WDR70: variants seen among roughly 807,000 people sequenced by gnomAD.
The protein encoded by WDR70 is WD repeat-containing protein 70.
Under a neutral mutation model 88.6 loss-of-function variants are expected in WDR70, and 53 were observed. The observed-to-expected ratio is 0.60, with a 90% CI of 0.48 to 0.75. WDR70 has a LOEUF of 0.75. WDR70 is among the 30% of genes least tolerant of loss of function. The pLI is 0.00. For synonymous variants in WDR70, 280 were observed against 270.0 expected (o/e 1.04, Z -0.36); for missense variants, 610 against 823.2 (o/e 0.74, Z 3.17).
intron 10 of WDR70, among the ~76,000 whole-genome samples, chr5:37,648,873 A>G (rs186736289): frequency 1.3e-5 from 2 of 152,324 alleles, no homozygotes; most frequent in East Asian, 3.9e-4. Context: ...TTTAACATTC[A>G]TTGATCCTAT....
Position 37,411,228 on chromosome 5 carries a change from C to A in WDR70, c.492+14658C>A, listed in dbSNP as rs1749511765. 3.9e-5 allele frequency among the ~76,000 whole-genome samples: 6 copies of A among 152,270 alleles called. No individual in the cohort carries two copies. The South Asian group carries it at 1.2e-3, about 32-fold the overall frequency. On this transcript the variant is annotated intron_variant, in intron 5 of 17. Transcript: ENST00000265107. Reference sequence around the variant, plus strand: ...TTTCCTGTCTTGGCCTCCCAAAGTGCTGGATAACAGGTGTGAACCACCATA... The same window carrying A: ...TTTCCTGTCTTGGCCTCCCAAAGTGATGGATAACAGGTGTGAACCACCATA...
intron 9 of WDR70, among the ~76,000 whole-genome samples, chr5:37,536,657 G>C (rs1741674870): frequency 6.6e-6 from 1 of 151,948 alleles, no homozygotes; most frequent in African/African-American, 2.4e-5. Flanking sequence ...CCTAATATTT[G>C]ATGTAATCTT....
intron 7 of WDR70, among the ~76,000 whole-genome samples, chr5:37,457,303 C>A (rs1186049062): frequency 6.6e-6 from 1 of 152,130 alleles, no homozygotes; most frequent in Non-Finnish European, 1.5e-5. Context: ...ACCATGTTGG[C>A]CAGGCTGGTC....
chr5:37,391,875 CTGT>C (rs1748829999), intron 3 of WDR70, 122 bp from the exon 4 acceptor site: 1 of 1,036,266 alleles, frequency 9.7e-7, no homozygotes. Context: ...TAATTTTTTG[CTGT>C]TACTGCTAAC....
chr5:37,623,097 C>G (rs896119921), intron 10 of WDR70, among the ~76,000 whole-genome samples: 2 of 152,074 alleles, frequency 1.3e-5, no homozygotes, highest in Admixed American at 6.6e-5. Context: ...AAAGACCAAT[C>G]AATGCTAAAT....
intron 3 of WDR70, among the ~76,000 whole-genome samples, chr5:37,389,295 TCGAGA>T (rs1561833460): frequency 8.2e-6 from 1 of 121,654 alleles, no homozygotes; most frequent in African/African-American, 7.1e-5. Context: ...GTTTCACCTG[TCGAGA>T]CCAGGCTGGT....
At chr5:37,568,009 C>G (rs1318414409) in intron 9 of WDR70, among the ~76,000 whole-genome samples, 1 of 152,168 alleles carries the variant, frequency 6.6e-6, no homozygotes, top group Non-Finnish European at 1.5e-5. Flanking sequence ...CTATTCAAGT[C>G]CAGCACAGTT....
chr5:37,678,887 G>C (rs1286599876), intron 10 of WDR70, among the ~76,000 whole-genome samples: 2 of 149,192 alleles, frequency 1.3e-5, no homozygotes, highest in African/African-American at 4.9e-5. Flanking sequence ...CGTAGATTTG[G>C]TCTTTTCACA....
chr5:37,587,563 A>G (rs1317535472), intron 9 of WDR70, among the ~76,000 whole-genome samples: 1 of 151,986 alleles, frequency 6.6e-6, no homozygotes, highest in Non-Finnish European at 1.5e-5. Context: ...TTTCTGGGTG[A>G]CTGCCTCATG....
At chr5:37,439,308 C>T (rs1372825489) in intron 6 of WDR70, among the ~76,000 whole-genome samples, 1 of 150,780 alleles carries the variant, frequency 6.6e-6, no homozygotes, top group Non-Finnish European at 1.5e-5. Flanking sequence ...CCATCTAATT[C>T]TTAATATATT....
intron 7 of WDR70, among the ~76,000 whole-genome samples, chr5:37,455,716 G>A (rs1449712639): frequency 1.1e-5 from 1 of 88,646 alleles, no homozygotes; most frequent in Non-Finnish European, 2.2e-5. Flanking sequence ...CTCTTTTAAT[G>A]AACTTTTTAA....
At chr5:37,478,880 A>G (rs527272910) in intron 7 of WDR70, among the ~76,000 whole-genome samples, 2 of 152,292 alleles carry the variant, frequency 1.3e-5, no homozygotes, top group East Asian at 1.9e-4. Context: ...GTAGCACACC[A>G]CTGTATTCAC....
intron 10 of WDR70, among the ~76,000 whole-genome samples, chr5:37,686,136 C>G (rs78701126): frequency 2.7e-5 from 4 of 149,642 alleles, no homozygotes; most frequent in South Asian, 2.1e-4. Context: ...GACCACCCCC[C>G]GCCCCAGCTC....
chr5:37,517,826 T>C (rs1740935085), intron 9 of WDR70, among the ~76,000 whole-genome samples: 1 of 74,320 alleles, frequency 1.3e-5, no homozygotes, highest in Non-Finnish European at 3.7e-5. Context: ...AGTTAAACTC[T>C]TTTAGTTATT....
In WDR70 at chr5:37,439,804, C is replaced by T. The variant is rs561079403; in HGVS notation, c.552+1823C>T. Among the ~76,000 whole-genome samples, 18 of 151,876 alleles carry T rather than the reference C, an allele frequency of 1.2e-4. No homozygotes were observed. In the South Asian group the frequency reaches 3.1e-3, roughly 26 times the overall value. ...TTTCCTATATACTTTACATTTTAGT[C>T]CCCCCGTCCCCACCTTACAGGATTA... On this transcript the variant is annotated intron_variant, in intron 6 of 17. Coordinates refer to ENST00000265107, the MANE Select transcript of WDR70 (RefSeq NM_018034.4).
chr5:37,634,418 G>A (rs1173243065), intron 10 of WDR70, among the ~76,000 whole-genome samples: 3 of 152,086 alleles, frequency 2.0e-5, no homozygotes, highest in Middle Eastern at 3.4e-3. Context: ...CAAAAACAGT[G>A]GATAGATTGA....
intron 17 of WDR70, among the ~76,000 whole-genome samples, chr5:37,741,829 G>T (rs1027442199): frequency 6.6e-6 from 1 of 152,136 alleles, no homozygotes; most frequent in Admixed American, 6.5e-5. Flanking sequence ...TTTGACTACT[G>T]TAGGTACCTC....
At chr5:37,553,741 A>C (rs1742213577) in intron 9 of WDR70, among the ~76,000 whole-genome samples, 1 of 152,210 alleles carries the variant, frequency 6.6e-6, no homozygotes, top group African/African-American at 2.4e-5. Flanking sequence ...ATAATGTAGT[A>C]GTTCTGAGGA....
intron 9 of WDR70, among the ~76,000 whole-genome samples, chr5:37,600,011 T>C (rs1743821507): frequency 6.6e-6 from 1 of 152,054 alleles, no homozygotes; most frequent in Admixed American, 6.6e-5. Context: ...GGAGAAAATA[T>C]TTTTAACCTT....
Sources: gnomAD v4.1 joint callset for allele counts (sites outside exome capture counted in the v4.1 genomes callset) on GRCh38, gnomAD v4.1.1 for gene constraint, MANE v1.5 for transcripts, NCBI Gene and HGNC (gene_info 2026-07-23, HGNC 2026-07-21) for gene names.